PIEZO2: variants seen among roughly 807,000 people sequenced by gnomAD.
PIEZO2 encodes the protein piezo type mechanosensitive ion channel component 2, also known as piezo-type mechanosensitive ion channel component 2.
PIEZO2 carries 172 observed loss-of-function variants against 337.3 expected under a neutral mutation model. That is an observed-to-expected ratio of 0.51 (90% CI 0.45 to 0.58). The LOEUF (loss-of-function observed/expected upper bound fraction) is 0.58. Ranked by LOEUF, PIEZO2 falls within the 20% of genes least tolerant of loss-of-function variation. The pLI is 0.00. For missense variants in PIEZO2, 3,028 were observed against 3,391.3 expected, an observed-to-expected ratio of 0.89 and a Z score of 2.66; for synonymous variants, 1,251 against 1,228.5, an observed-to-expected ratio of 1.02 and a Z score of -0.38.
intron 42 of PIEZO2, 169 bp downstream of exon 42, chr18:10,704,225 T>TG: frequency 1.1e-6 from 1 of 930,104 alleles, no homozygotes. Flanking sequence ...AGGTAACTGT[T>TG]GCTGCTGACG....
At chr18:10,810,238 C>A (rs1219731424) in intron 7 of PIEZO2, among the ~76,000 whole-genome samples, 1 of 152,124 alleles carries the variant, frequency 6.6e-6, no homozygotes, top group East Asian at 1.9e-4. Flanking sequence ...CTCACAGATT[C>A]TATTTCCCAA....
At chr18:10,782,262 T>C (rs2039018563) in intron 17 of PIEZO2, among the ~76,000 whole-genome samples, 1 of 86,760 alleles carries the variant, frequency 1.2e-5, no homozygotes. Flanking sequence ...TATTATATTA[T>C]TATATGTAAA....
At chr18:10,874,263 G>A (rs1313880064) in intron 4 of PIEZO2, among the ~76,000 whole-genome samples, 1 of 151,848 alleles carries the variant, frequency 6.6e-6, no homozygotes, top group Non-Finnish European at 1.5e-5. Flanking sequence ...AAACCACAAC[G>A]AGTTATCCTC....
chr18:11,129,374 G>A lies in PIEZO2; in HGVS notation c.64+19151C>T, dbSNP rs897383392. Among the ~76,000 whole-genome samples, 11 of 152,180 alleles carry A rather than the reference G, an allele frequency of 7.2e-5. No individual in the cohort carries two copies. The highest frequency in any genetic ancestry group is 1.2e-4 in the Non-Finnish European group (8 of 68,038). ...CCATAATGGACAGCAGAGGCAAAGCGGCAATCAGAATAGTCTCATTCGTGT... is the reference window on the plus strand; with the variant it reads ...CCATAATGGACAGCAGAGGCAAAGCAGCAATCAGAATAGTCTCATTCGTGT... On this transcript the variant is annotated intron_variant, in intron 1 of 55. Coordinates refer to ENST00000674853, the MANE Select transcript of PIEZO2 (RefSeq NM_001378183.1). The surrounding 1 kb of genome is among the most constrained non-coding windows in gnomAD (Gnocchi z 4.6).
intron 23 of PIEZO2, among the ~76,000 whole-genome samples, chr18:10,761,598 A>T (rs78765899): frequency 0.022 from 3,385 of 152,340 alleles, 54 homozygotes; most frequent in Non-Finnish European, 0.037. Flanking sequence ...AATAGTGATG[A>T]TATAACTATT....
intron 10 of PIEZO2, 101 bp from the exon 11 acceptor site, chr18:10,800,576 G>C: frequency 7.5e-7 from 1 of 1,335,704 alleles, no homozygotes; most frequent in East Asian, 2.8e-5. Context: ...TGAACAGTGA[G>C]GAGTTGATTA....
chr18:11,004,660 T>C (rs2145624509), intron 2 of PIEZO2, among the ~76,000 whole-genome samples: 1 of 152,294 alleles, frequency 6.6e-6, no homozygotes, highest in East Asian at 1.9e-4. Context: ...GGAGATTCTT[T>C]TGTGAAGAAA....
Position 10,748,180 on chromosome 18 carries a change from C to T in PIEZO2, c.4424+291G>A, listed in dbSNP as rs1186128375. On this transcript the variant is annotated intron_variant, in intron 30 of 55. Coordinates refer to ENST00000674853, the MANE Select transcript of PIEZO2 (RefSeq NM_001378183.1). The surrounding 1 kb of genome is among the most constrained non-coding windows in gnomAD (Gnocchi z 5.1). The stretch of plus-strand genomic sequence containing the variant: ...TGTTGCTGTTTTGTCTGAGACCAGA[C>T]TGAGCCACTTCTAGAGAAGTGGTGG... 2.6e-5 allele frequency among the ~76,000 whole-genome samples: 4 copies of T among 152,176 alleles called. No individual in the cohort carries two copies. The highest frequency in any genetic ancestry group is 9.7e-5 in the African/African-American group (4 of 41,422).
chr18:10,951,488 C>T (rs1181402834), intron 3 of PIEZO2, among the ~76,000 whole-genome samples: 1 of 152,194 alleles, frequency 6.6e-6, no homozygotes, highest in African/African-American at 2.4e-5. Flanking sequence ...CGTATGTGCA[C>T]AAAAATTCAC....
chr18:10,972,014 T>A (rs2034256111), intron 3 of PIEZO2, among the ~76,000 whole-genome samples: 1 of 151,992 alleles, frequency 6.6e-6, no homozygotes, highest in Non-Finnish European at 1.5e-5. Flanking sequence ...CAATGGCAGC[T>A]GGGTGCGGTG....
At chr18:11,098,860 C>T (rs1039515328) in intron 1 of PIEZO2, among the ~76,000 whole-genome samples, 17 of 152,082 alleles carry the variant, frequency 1.1e-4, no homozygotes, top group African/African-American at 3.9e-4. Context: ...TGCATTGGTG[C>T]GATCACAGCT....
In PIEZO2 at chr18:11,053,680, T is replaced by C. The variant is rs533862080; in HGVS notation, c.160+12447A>G. On this transcript the variant is annotated intron_variant, in intron 2 of 55. Coordinates refer to ENST00000674853, the MANE Select transcript of PIEZO2 (RefSeq NM_001378183.1). ...CACTCTTCTACCATATTGACCAGTA[T>C]GTGGCACTCACTATATCATAAGTTA... 8.5e-5 allele frequency among the ~76,000 whole-genome samples: 13 copies of C among 152,358 alleles called. 1 individual carries two copies. In the South Asian group the frequency reaches 2.7e-3, roughly 32 times the overall value.
intron 1 of PIEZO2, among the ~76,000 whole-genome samples, chr18:11,139,406 G>T (rs1486403993): frequency 2.0e-5 from 3 of 152,092 alleles, no homozygotes; most frequent in Non-Finnish European, 4.4e-5. Context: ...TGTAGAGCAG[G>T]CCCTGAGAAA....
chr18:10,759,314 G>C lies in PIEZO2; in HGVS notation c.3757+168C>G, dbSNP rs1199788245. On this transcript the variant is annotated intron_variant, in intron 26 of 55. Coordinates refer to ENST00000674853, the MANE Select transcript of PIEZO2 (RefSeq NM_001378183.1). This position sits in a 1 kb window ranked among gnomAD's most constrained non-coding sequence, Gnocchi z 5.5. ...ATTTATTAATTTTGCAAATGTAATA[G>C]GGTGAGTAGAAGCCATTAATGACTT... Among the ~76,000 whole-genome samples the C allele has an allele frequency of 1.3e-5, 2 of 152,102 alleles. No homozygotes were observed. Among genetic ancestry groups the C allele is most frequent in the Admixed American group, 1.3e-4 (2 of 15,260 alleles).
At position 10,895,838 on chromosome 18, in the gene PIEZO2, C is replaced by T. The variant is rs755579746; in HGVS notation, c.329+15348G>A. Among the ~76,000 whole-genome samples the T allele has an allele frequency of 2.6e-5, 4 of 152,128 alleles. No homozygotes were observed. The highest frequency in any genetic ancestry group is 5.9e-5 in the Non-Finnish European group (4 of 68,022). Reference sequence around the variant, plus strand: ...CTTTGGGAGGCTGAGGTGGGCAGATCACCTGAGGTCAGGAGTTCCAGATCA... The same window carrying T: ...CTTTGGGAGGCTGAGGTGGGCAGATTACCTGAGGTCAGGAGTTCCAGATCA... On this transcript the variant is annotated intron_variant, in intron 4 of 55. Coordinates refer to ENST00000674853, the MANE Select transcript of PIEZO2 (RefSeq NM_001378183.1). The surrounding 1 kb of genome is among the most constrained non-coding windows in gnomAD (Gnocchi z 4.8).
chr18:10,970,963 A>C (rs1332034493), intron 3 of PIEZO2, among the ~76,000 whole-genome samples: 1 of 152,190 alleles, frequency 6.6e-6, no homozygotes, highest in Non-Finnish European at 1.5e-5. Context: ...AAAGCTCTAC[A>C]TTAATCCACA....
At position 10,929,711 on chromosome 18, in the gene PIEZO2, C is replaced by T. The variant is rs999183616; in HGVS notation, c.287-18483G>A. Among the ~76,000 whole-genome samples the T allele has an allele frequency of 1.2e-4, 18 of 152,148 alleles. No individual in the cohort carries two copies. The highest frequency in any genetic ancestry group is 4.1e-4 in the African/African-American group (17 of 41,502). On this transcript the variant is annotated intron_variant, in intron 3 of 55. Transcript: ENST00000674853. This position sits in a 1 kb window ranked among gnomAD's most constrained non-coding sequence, Gnocchi z 5.6. ...AGTTTGATACAATAGAGCAGATGGACGGAATGTTAGAATGTGTATGCTTGA... is the reference window on the plus strand; with the variant it reads ...AGTTTGATACAATAGAGCAGATGGATGGAATGTTAGAATGTGTATGCTTGA...
intron 2 of PIEZO2, among the ~76,000 whole-genome samples, chr18:11,051,376 G>T (rs8096157): frequency 0.27 from 29,285 of 108,328 alleles, 2,961 homozygotes; most frequent in Middle Eastern, 0.4. Context: ...TGTGGGTGTG[G>T]GTGTGGGTGT....
Position 10,742,555 on chromosome 18 carries a change from G to A in PIEZO2, c.4575C>T (p.Ser1525=). 6.5e-7 allele frequency: 1 copy of A among 1,537,162 alleles called. No homozygotes were observed. Among genetic ancestry groups the A allele is most frequent in the Non-Finnish European group, 8.7e-7 (1 of 1,146,866 alleles). ...GGCCTTCCCCTGGCTCCTGGGTCAA[G>A]CTCAGCATCCTCTCCTTACCCTTTT... ...KYKKGKERML[S]LTQEPGEGQD... The change falls in exon 32 of 56, where the codon AGC becomes AGT. Residue 1525 remains serine, a synonymous_variant. Coordinates refer to ENST00000674853, the MANE Select transcript of PIEZO2 (RefSeq NM_001378183.1).
Sources: gnomAD v4.1 joint callset for allele counts (sites outside exome capture counted in the v4.1 genomes callset) on GRCh38, gnomAD v4.1.1 for gene constraint, Gnocchi (gnomAD v3.1) non-coding constraint, MANE v1.5 for transcripts, NCBI Gene and HGNC (gene_info 2026-07-23, HGNC 2026-07-21) for gene names.